LRRC43: variants seen among roughly 807,000 people sequenced by gnomAD.
LRRC43 encodes leucine-rich repeat-containing protein 43.
A neutral mutation model predicts 64.3 loss-of-function variants in LRRC43; 62 were observed. The ratio of observed to expected loss-of-function variants is 0.96; its 90% CI spans 0.79 to 1.19. LRRC43 has a LOEUF of 1.19. LRRC43 is among the 50% of genes most tolerant of loss of function. The pLI, the probability that LRRC43 is intolerant of heterozygous loss-of-function variation, is 0.00. For synonymous variants in LRRC43, 422 were observed against 382.3 expected (o/e 1.10, Z -1.21); for missense variants, 868 against 845.0 (o/e 1.03, Z -0.34).
At chr12:122,179,738 C>T (rs935731893), upstream of LRRC43, among the ~76,000 whole-genome samples, 4 of 151,834 alleles carry the variant, frequency 2.6e-5, no homozygotes, top group East Asian at 1.9e-4. Flanking sequence ...TTTGGGAGGC[C>T]GAGGCGGGCG....
At chr12:122,197,475 G>A (rs189130542) in intron 7 of LRRC43, among the ~76,000 whole-genome samples, 2 of 152,120 alleles carry the variant, frequency 1.3e-5, no homozygotes, top group East Asian at 1.9e-4. Context: ...CCCTTTCATG[G>A]GCTGACCCCT....
rs1395419201 is a variant in LRRC43 at position 122,173,775 on chromosome 12, G to T, written c.-406+5993G>T. Reference sequence around the variant, plus strand: ...CCTGGTTTCAGGTCCGGAGAGAGGAGCCTCTTTGGAGGGCAATGGAAGGCA... The same window carrying T: ...CCTGGTTTCAGGTCCGGAGAGAGGATCCTCTTTGGAGGGCAATGGAAGGCA... On this transcript the variant is annotated intron_variant, in intron 1 of 5. Coordinates refer to the LRRC43 transcript ENST00000537729. 3 of 1,390,902 alleles carry T rather than the reference G, an allele frequency of 2.2e-6. No individual in the cohort carries two copies. In the African/African-American group the frequency reaches 4.3e-5, roughly 20 times the overall value. 86.2% of individuals were successfully genotyped at this position (1,390,902 alleles called of 1,614,324 possible).
upstream of LRRC43, chr12:122,183,033 G>A: frequency 7.0e-7 from 1 of 1,422,880 alleles, no homozygotes; most frequent in South Asian, 1.5e-5. Flanking sequence ...GTTGGGGCCA[G>A]GCTGTCTGAT....
intron 11 of LRRC43, chr12:122,202,404 A>C (rs1408137296): frequency 6.6e-6 from 1 of 152,216 alleles, no homozygotes; most frequent in East Asian, 1.9e-4. Flanking sequence ...ATATTACACC[A>C]AATTTGACAA....
chr12:122,176,487 A>G (rs1157308072), intron 1 of LRRC43, among the ~76,000 whole-genome samples: 3 of 150,940 alleles, frequency 2.0e-5, no homozygotes, highest in African/African-American at 4.9e-5. Flanking sequence ...ACATAAGATC[A>G]GATGCACTTT....
chr12:122,172,669 G>C, intron 1 of LRRC43: 2 of 1,614,140 alleles, frequency 1.2e-6, no homozygotes, highest in Non-Finnish European at 1.7e-6. Flanking sequence ...ATGTTGTTTG[G>C]CGGCTGGGCG....
chr12:122,189,569 C>T, intron 4 of LRRC43: 2 of 447,674 alleles, frequency 4.5e-6, no homozygotes, highest in Non-Finnish European at 9.0e-6. Context: ...CAGGCCTTGG[C>T]CCGTGCTCTT....
Position 122,191,647 on chromosome 12 carries a change from T to C in LRRC43, c.1089+80T>C, listed in dbSNP as rs1593150339. On this transcript the variant is annotated intron_variant, in intron 6 of 11. Coordinates refer to ENST00000339777, the MANE Select transcript of LRRC43 (RefSeq NM_001098519.2). The stretch of plus-strand genomic sequence containing the variant: ...CTTTGTGGGCCCCAGGAAAATCCTT[T>C]TAATTAATTAATTAATTTATTTATT... 22 of 1,041,934 alleles carry C rather than the reference T, an allele frequency of 2.1e-5. No homozygotes were observed. In the East Asian group the frequency reaches 5.9e-4, roughly 28 times the overall value. The allele number at this position is 1,041,934 out of a possible 1,614,324, so 64.5% of individuals were successfully genotyped here.
chr12:122,193,010 G>A lies in LRRC43; in HGVS notation c.1349+6G>A. 5 of 1,612,826 alleles carry A rather than the reference G, an allele frequency of 3.1e-6. No individual in the cohort carries two copies. Among genetic ancestry groups the A allele is most frequent in the Non-Finnish European group, 4.2e-6 (5 of 1,179,392 alleles). On this transcript the variant is annotated splice_donor_region_variant and intron_variant, in intron 7 of 11. Coordinates refer to ENST00000339777, the MANE Select transcript of LRRC43 (RefSeq NM_001098519.2). ...CGGCTCTGCCCGTCCCCAGGGTAAG[G>A]ATGGAAATCTGAACCAGGGCAAGTG...
At chr12:122,168,809 T>C (rs1953461372) in intron 1 of LRRC43, among the ~76,000 whole-genome samples, 1 of 152,190 alleles carries the variant, frequency 6.6e-6, no homozygotes, top group East Asian at 1.9e-4. Context: ...CAAGAGTCAG[T>C]CCAAGTTCCC....
intron 11 of LRRC43, chr12:122,202,207 T>G (rs561778800): frequency 5.8e-4 from 75 of 129,500 alleles, no homozygotes; most frequent in African/African-American, 3.0e-3. Context: ...TTAAAAAGGT[T>G]TTTTTTTTTT....
chr12:122,188,008 TTTGTAAA>T, intron 4 of LRRC43, 168 bp downstream of exon 4: 1 of 679,280 alleles, frequency 1.5e-6, no homozygotes, highest in Non-Finnish European at 2.4e-6. Flanking sequence ...TCAGTGGGAT[TTTGTAAA>T]CAAAAAGCCC....
intron 6 of LRRC43, among the ~76,000 whole-genome samples, chr12:122,191,857 T>C (rs1414260040): frequency 5.9e-5 from 9 of 152,132 alleles, no homozygotes; most frequent in Non-Finnish European, 1.5e-5. Flanking sequence ...TTTCACCTTG[T>C]TGACCAGGCT....
At chr12:122,177,518 T>TGTGTGTGTGTG (rs1953547315) in intron 1 of LRRC43, among the ~76,000 whole-genome samples, 1 of 138,018 alleles carries the variant, frequency 7.2e-6, no homozygotes, top group Admixed American at 7.3e-5. Context: ...TGTGTGTGTG[T>TGTGTGTGTGTG]TTAATAGAAA....
intron 10 of LRRC43, 32 bp from the exon 11 acceptor site, chr12:122,201,264 T>C (rs888986576): frequency 6.2e-7 from 1 of 1,612,986 alleles, no homozygotes; most frequent in Admixed American, 1.7e-5. Flanking sequence ...CCCTCTCCAG[T>C]AAGCATCTCG....
At chr12:122,191,669 T>A in intron 6 of LRRC43, 102 bp downstream of exon 6, 1 of 928,240 alleles carries the variant, frequency 1.1e-6, no homozygotes, top group Non-Finnish European at 1.6e-6. Flanking sequence ...TTAATTTATT[T>A]ATTGAGGAGG....
Position 122,203,424 on chromosome 12 carries a change from G to C in LRRC43, c.1953G>C (p.Leu651=). 1 of 1,611,430 alleles carries C rather than the reference G, an allele frequency of 6.2e-7. No individual in the cohort carries two copies. Among genetic ancestry groups the C allele is most frequent in the Non-Finnish European group, 8.5e-7 (1 of 1,179,618 alleles). Residue 651 remains leucine (L), a synonymous_variant, in exon 12 of 12, where the codon CTG becomes CTC. Coordinates refer to ENST00000339777, the MANE Select transcript of LRRC43 (RefSeq NM_001098519.2). ...LNQCRSAEEA[L]RMFAV The stretch of plus-strand genomic sequence containing the variant: ...AGTGCCGCTCGGCGGAGGAGGCTCT[G>C]CGCATGTTCGCCGTGTAGGGCGTGG...
At chr12:122,188,159 C>T (rs754684761) in intron 4 of LRRC43, among the ~76,000 whole-genome samples, 25 of 152,040 alleles carry the variant, frequency 1.6e-4, no homozygotes, top group African/African-American at 2.4e-4. Flanking sequence ...CAGGCTGGAG[C>T]GCATTGGCGC....
At chr12:122,192,258 T>G (rs2136047845) in intron 6 of LRRC43, among the ~76,000 whole-genome samples, 1 of 152,316 alleles carries the variant, frequency 6.6e-6, no homozygotes, top group South Asian at 2.1e-4. Context: ...TGCCTCAGCC[T>G]CCTGAGTAGC....
Sources: gnomAD v4.1 joint callset for allele counts (sites outside exome capture counted in the v4.1 genomes callset) on GRCh38, gnomAD v4.1.1 for gene constraint, MANE v1.5 for transcripts, NCBI Gene and HGNC (gene_info 2026-07-23, HGNC 2026-07-21) for gene names.